The following STPG4 variants were observed in gnomAD, a reference collection of about 807,000 sequenced individuals.
The protein encoded by STPG4 is protein STPG4.
A neutral mutation model predicts 31.5 loss-of-function variants in STPG4; 41 were observed. The ratio of observed to expected loss-of-function variants is 1.30; its 90% confidence interval spans 1.01 to 1.69. The LOEUF (loss-of-function observed/expected upper bound fraction) is 1.69. Ranked by LOEUF, STPG4 falls within the 40% of genes most tolerant of loss-of-function variation. The pLI, the probability that STPG4 is intolerant of heterozygous loss-of-function variation, is 0.00. For missense variants in STPG4, 375 were observed against 293.4 expected (o/e 1.28, Z -2.03); for synonymous variants, 141 against 103.0 (o/e 1.37, Z -2.24).
intron 3 of STPG4, among the ~76,000 whole-genome samples, chr2:47,142,804 C>T (rs929737973): frequency 4.3e-5 from 6 of 140,438 alleles, no homozygotes; most frequent in Non-Finnish European, 6.1e-5. Context: ...CTTAGAGATG[C>T]TTCCATATCA....
At chr2:47,094,907 C>T (rs1405921481) in intron 5 of STPG4, among the ~76,000 whole-genome samples, 2 of 152,138 alleles carry the variant, frequency 1.3e-5, no homozygotes, top group African/African-American at 2.4e-5. Flanking sequence ...CTGACATTTC[C>T]TGCCTGCACA....
intron 3 of STPG4, among the ~76,000 whole-genome samples, chr2:47,134,436 T>A (rs754044604): frequency 2.2e-4 from 33 of 152,244 alleles, no homozygotes; most frequent in Admixed American, 2.2e-3. Context: ...CAGAATGTCA[T>A]AGAGGTGGAA....
At chr2:47,148,851 G>C (rs1686879495) in intron 3 of STPG4, among the ~76,000 whole-genome samples, 1 of 152,166 alleles carries the variant, frequency 6.6e-6, no homozygotes, top group Non-Finnish European at 1.5e-5. Flanking sequence ...CCCTACAAAA[G>C]ACATGAACTC....
intron 5 of STPG4, among the ~76,000 whole-genome samples, chr2:47,093,439 G>A (rs6750056): frequency 0.021 from 3,260 of 152,314 alleles, 134 homozygotes; most frequent in African/African-American, 0.073. Flanking sequence ...AGTTTGTGCA[G>A]GAGCCTCTCA....
At chr2:47,117,930 AT>A (rs112745155) in intron 5 of STPG4, among the ~76,000 whole-genome samples, 3,094 of 117,556 alleles carry the variant, frequency 0.026, 56 homozygotes, top group African/African-American at 0.041. Flanking sequence ...ATATATATAT[AT>A]TTTTTTTTTA....
At chr2:47,132,590 A>G (rs1686507926) in intron 3 of STPG4, among the ~76,000 whole-genome samples, 1 of 152,184 alleles carries the variant, frequency 6.6e-6, no homozygotes, top group Non-Finnish European at 1.5e-5. Flanking sequence ...TTGACATCAT[A>G]AACACCAAGG....
At chr2:47,144,439 G>A (rs902864122) in intron 3 of STPG4, among the ~76,000 whole-genome samples, 2 of 152,132 alleles carry the variant, frequency 1.3e-5, no homozygotes, top group African/African-American at 4.8e-5. Flanking sequence ...TCAGCACTTG[G>A]GGAGGCTGAG....
intron 5 of STPG4, among the ~76,000 whole-genome samples, chr2:47,100,128 C>T (rs79859455): frequency 3.7e-4 from 57 of 152,204 alleles, no homozygotes; most frequent in African/African-American, 9.9e-4. Context: ...GCACATGGTG[C>T]GGGACTGGCA....
At chr2:47,088,643 C>T (rs1223790925) in intron 6 of STPG4, among the ~76,000 whole-genome samples, 1 of 152,230 alleles carries the variant, frequency 6.6e-6, no homozygotes, top group Non-Finnish European at 1.5e-5. Flanking sequence ...TTATCACCTA[C>T]TTGTCATTTC....
At chr2:47,122,440 C>T (rs1463969080) in intron 5 of STPG4, among the ~76,000 whole-genome samples, 1 of 151,896 alleles carries the variant, frequency 6.6e-6, no homozygotes, top group Admixed American at 6.6e-5. Flanking sequence ...TATATTTTCT[C>T]CTGGTTTAAT....
chr2:47,138,545 C>A (rs1362087798), intron 3 of STPG4, among the ~76,000 whole-genome samples: 1 of 151,990 alleles, frequency 6.6e-6, no homozygotes, highest in Non-Finnish European at 1.5e-5. Context: ...GCACCCGCCA[C>A]CATGCCTGGT....
intron 5 of STPG4, among the ~76,000 whole-genome samples, chr2:47,109,325 G>A (rs1009580400): frequency 6.6e-6 from 1 of 152,194 alleles, no homozygotes; most frequent in Non-Finnish European, 1.5e-5. Flanking sequence ...GGGAGGCAGA[G>A]GTGGGCAGAT....
At chr2:47,102,970 G>T (rs1685831338) in intron 5 of STPG4, among the ~76,000 whole-genome samples, 2 of 151,956 alleles carry the variant, frequency 1.3e-5, no homozygotes, top group South Asian at 4.2e-4. Flanking sequence ...ATCAAACCCT[G>T]GCCTGTAATG....
intron 5 of STPG4, among the ~76,000 whole-genome samples, chr2:47,121,861 T>TGTGTGTGTGTGC (rs1256185547): frequency 1.3e-5 from 2 of 150,518 alleles, no homozygotes; most frequent in African/African-American, 4.9e-5. Context: ...TGTGTGTGTG[T>TGTGTGTGTGTGC]GTGTGTGTGT....
At chr2:47,144,742 G>A (rs780248376) in intron 3 of STPG4, among the ~76,000 whole-genome samples, 4 of 151,618 alleles carry the variant, frequency 2.6e-5, no homozygotes, top group Non-Finnish European at 4.4e-5. Flanking sequence ...TTTGTTTTTT[G>A]TTTTTTGAGA....
chr2:47,099,469 A>G (rs936185955), intron 5 of STPG4, among the ~76,000 whole-genome samples: 14 of 152,272 alleles, frequency 9.2e-5, no homozygotes, highest in African/African-American at 3.4e-4. Flanking sequence ...CAGTAGGAGA[A>G]GCAACTTCAG....
intron 5 of STPG4, among the ~76,000 whole-genome samples, chr2:47,109,583 C>G (rs1474033719): frequency 1.3e-5 from 2 of 150,456 alleles, no homozygotes; most frequent in Non-Finnish European, 3.0e-5. Flanking sequence ...AAAATTCTAG[C>G]ACATCTATAA....
chr2:47,153,234 A>T (rs1686970727), intron 1 of STPG4, among the ~76,000 whole-genome samples: 1 of 152,160 alleles, frequency 6.6e-6, no homozygotes, highest in African/African-American at 2.4e-5. Context: ...CCTTTGATAA[A>T]ATTAGAGTAA....
At chr2:47,095,310 G>A (rs1345855756) in intron 5 of STPG4, among the ~76,000 whole-genome samples, 1 of 152,134 alleles carries the variant, frequency 6.6e-6, no homozygotes, top group Non-Finnish European at 1.5e-5. Context: ...TTTATTAAAA[G>A]GGGAAATTTG....
Sources: allele counts gnomAD v4.1 joint callset (sites outside exome capture counted in the v4.1 genomes callset), GRCh38; gene constraint gnomAD v4.1.1; transcripts MANE v1.5; gene names NCBI Gene and HGNC (gene_info 2026-07-23, HGNC 2026-07-21).